PODXL: variants seen among roughly 807,000 people sequenced by gnomAD.
PODXL encodes the protein podocalyxin like, also known as podocalyxin.
Under a neutral mutation model 48.9 loss-of-function variants are expected in PODXL, and 20 were observed. The ratio of observed to expected loss-of-function variants is 0.41; its 90% CI spans 0.29 to 0.59. The LOEUF (loss-of-function observed/expected upper bound fraction) is 0.59, where lower values mean the gene tolerates loss of function less well. Among genes scored for constraint, PODXL ranks in the 20% least tolerant of loss-of-function variants. The pLI, the probability that PODXL is intolerant of heterozygous loss-of-function variation, is 0.31. For missense variants in PODXL, 606 were observed against 675.1 expected, an observed-to-expected ratio of 0.90 and a Z score of 1.13; for synonymous variants, 295 against 287.4, an observed-to-expected ratio of 1.03 and a Z score of -0.27.
At chr7:131,535,991 C>A (rs571401014) in intron 1 of PODXL, among the ~76,000 whole-genome samples, 7 of 152,284 alleles carry the variant, frequency 4.6e-5, no homozygotes, top group African/African-American at 1.7e-4. Flanking sequence ...CTCTTGAGCC[C>A]AAGTGATCCT....
intron 1 of PODXL, among the ~76,000 whole-genome samples, chr7:131,523,678 C>CAAA (rs753654977): frequency 1.8e-4 from 11 of 61,914 alleles, no homozygotes; most frequent in African/African-American, 6.2e-4. Context: ...GAATCCGTCT[C>CAAA]AAAAAAAAAA....
At chr7:131,552,756 A>G (rs1015623922) in intron 1 of PODXL, among the ~76,000 whole-genome samples, 1 of 152,062 alleles carries the variant, frequency 6.6e-6, no homozygotes, top group African/African-American at 2.4e-5. Context: ...CCATGCTGGG[A>G]ACACCCACAT....
chr7:131,519,136 C>A (rs1364568929), intron 1 of PODXL, among the ~76,000 whole-genome samples: 2 of 152,338 alleles, frequency 1.3e-5, no homozygotes, highest in Admixed American at 6.5e-5. Flanking sequence ...GAAATGTATT[C>A]TTTAAAGTCC....
intron 1 of PODXL, among the ~76,000 whole-genome samples, chr7:131,535,481 T>C (rs1798360548): frequency 6.6e-6 from 1 of 152,160 alleles, no homozygotes; most frequent in Admixed American, 6.5e-5. Flanking sequence ...AAGAACACCC[T>C]CTCGTGTGTG....
In PODXL at chr7:131,506,314, G is replaced by A; in HGVS notation, c.1257C>T (p.Leu419=). The A allele has an allele frequency of 1.2e-6, 2 of 1,614,208 alleles. No homozygotes were observed. Among genetic ancestry groups the A allele is most frequent in the South Asian group, 2.2e-5 (2 of 91,092 alleles). ...VVKEITIHTK[L]PAKDVYERLK... The stretch of plus-strand genomic sequence containing the variant: ...GCCGCTCGTACACATCCTTGGCAGG[G>A]AGCTTAGCTGTGGGAGAGGGAGACG... The change falls in exon 7 of 9, where the codon CTC becomes CTT. Residue 419 remains leucine (L), a synonymous_variant. Coordinates refer to ENST00000378555, the MANE Select transcript of PODXL (RefSeq NM_001018111.3).
At chr7:131,532,796 G>C (rs1162461906) in intron 1 of PODXL, among the ~76,000 whole-genome samples, 2 of 152,144 alleles carry the variant, frequency 1.3e-5, no homozygotes, top group Non-Finnish European at 2.9e-5. Context: ...CCTGAGGATG[G>C]AGCCTCCATG....
At chr7:131,508,852 A>T in intron 5 of PODXL, 99 bp downstream of exon 5, 1 of 885,996 alleles carries the variant, frequency 1.1e-6, no homozygotes, top group Non-Finnish European at 1.9e-6. Flanking sequence ...CCTTAGAAAG[A>T]TGTTTAAAAA....
At chr7:131,547,539 A>T (rs921198074) in intron 1 of PODXL, among the ~76,000 whole-genome samples, 1 of 152,210 alleles carries the variant, frequency 6.6e-6, no homozygotes, top group Non-Finnish European at 1.5e-5. Context: ...TCACAAGGCT[A>T]ACAAGTGTCG....
At chr7:131,545,680 G>A (rs1346070336) in intron 1 of PODXL, among the ~76,000 whole-genome samples, 2 of 152,202 alleles carry the variant, frequency 1.3e-5, no homozygotes, top group Non-Finnish European at 2.9e-5. Flanking sequence ...GTTAAAGTAC[G>A]TTTGGGGAAT....
intron 1 of PODXL, among the ~76,000 whole-genome samples, chr7:131,544,797 A>G (rs1798545919): frequency 6.6e-6 from 1 of 152,192 alleles, no homozygotes; most frequent in Non-Finnish European, 1.5e-5. Flanking sequence ...GGAAAAGCAC[A>G]TGCAAGCTGG....
At chr7:131,514,017 G>A (rs1475538728) in intron 1 of PODXL, among the ~76,000 whole-genome samples, 1 of 152,204 alleles carries the variant, frequency 6.6e-6, no homozygotes, top group Non-Finnish European at 1.5e-5. Flanking sequence ...AGGATAAGCA[G>A]TCACATTATC....
At position 131,509,603 on chromosome 7, in the gene PODXL, AGG is replaced by A. The variant is rs778266676; in HGVS notation, c.803-20_803-19del. The A allele has an allele frequency of 6.7e-7, 1 of 1,495,326 alleles. No individual in the cohort carries two copies. 92.6% of individuals were successfully genotyped at this position (1,495,326 alleles called of 1,614,324 possible). A position where few individuals can be genotyped will look rare whatever the true frequency, so the allele number is the denominator to read the frequency against. On this transcript the variant is annotated intron_variant, in intron 3 of 8. Coordinates refer to ENST00000378555, the MANE Select transcript of PODXL (RefSeq NM_001018111.3). Reference sequence around the variant, plus strand: ...CGATGACGCTGTCATTGGGAAAACGAGGGTAATGAGAAAAGATGAGTGCACCC... The same window carrying A: ...CGATGACGCTGTCATTGGGAAAACGAGTAATGAGAAAAGATGAGTGCACCC...
chr7:131,520,324 T>G, intron 1 of PODXL: 1 of 531,472 alleles, frequency 1.9e-6, no homozygotes, highest in Non-Finnish European at 3.7e-6. Context: ...ATGTGCGCAT[T>G]GATACCAGGC....
intron 1 of PODXL, among the ~76,000 whole-genome samples, chr7:131,524,409 A>AGAGAGAGAGAGAGAGAG (rs760491817): frequency 2.2e-4 from 16 of 72,236 alleles, no homozygotes; most frequent in East Asian, 5.0e-4. Flanking sequence ...GAGAGAGAGA[A>AGAGAGAGAGAGAGAGAG]AACAACAAGG....
intron 1 of PODXL, among the ~76,000 whole-genome samples, chr7:131,522,921 A>G (rs894419356): frequency 6.6e-6 from 1 of 152,230 alleles, no homozygotes; most frequent in African/African-American, 2.4e-5. Context: ...TTGCTCATCC[A>G]TTAATCGGCT....
At chr7:131,547,264 C>T (rs117779396) in intron 1 of PODXL, among the ~76,000 whole-genome samples, 2,609 of 150,402 alleles carry the variant, frequency 0.017, 40 homozygotes, top group South Asian at 0.037. Context: ...TTCCAGCTAC[C>T]CCAGAGGCTG....
Position 131,510,832 on chromosome 7 carries a change from G to A in PODXL, c.702C>T (p.Thr234=), listed in dbSNP as rs143462721. ...AGAAAACCAGGCATTACTTACGTAG[G>A]GTGGTGGTCATCCCCGGGCTTGTGA... ...YTFTSPGMTT[T]LLETVFHHVS... Residue 234 remains threonine, a synonymous_variant, in exon 2 of 9, where the codon ACC becomes ACT. Transcript: ENST00000378555. The A allele has an allele frequency of 6.8e-6, 11 of 1,614,018 alleles. No homozygotes were observed. In the African/African-American group the frequency reaches 9.3e-5, roughly 14 times the overall value.
intron 1 of PODXL, among the ~76,000 whole-genome samples, chr7:131,553,028 C>T (rs930307671): frequency 6.3e-4 from 96 of 152,268 alleles, no homozygotes; most frequent in African/African-American, 2.0e-3. Flanking sequence ...TCAAGTGATC[C>T]TCCCACCTTG....
chr7:131,555,536 C>T (rs1312202874), intron 1 of PODXL, among the ~76,000 whole-genome samples: 3 of 152,016 alleles, frequency 2.0e-5, no homozygotes, highest in Non-Finnish European at 2.9e-5. Context: ...GAGAAGTTCC[C>T]GTTTGAACAA....
Sources: allele counts gnomAD v4.1 joint callset (sites outside exome capture counted in the v4.1 genomes callset), GRCh38; gene constraint gnomAD v4.1.1; transcripts MANE v1.5; gene names NCBI Gene and HGNC (gene_info 2026-07-23, HGNC 2026-07-21).